The following SLC4A4 variants were observed in gnomAD, a reference collection of about 807,000 sequenced individuals.
The protein encoded by SLC4A4 is solute carrier family 4 member 4.
In SLC4A4, 27 loss-of-function variants were observed where a neutral mutation model predicts 111.5. The observed-to-expected ratio is 0.24, with a 90% CI of 0.18 to 0.33. The LOEUF (loss-of-function observed/expected upper bound fraction) is 0.33. SLC4A4 is among the 10% of genes least tolerant of loss of function. The probability of loss-of-function intolerance (pLI) is 1.00; values close to 1 mark genes in which losing one functional copy is unlikely to be tolerated. For synonymous variants in SLC4A4, 443 were observed against 463.4 expected (o/e 0.96, Z 0.57); for missense variants, 909 against 1,315.5 (o/e 0.69, Z 4.78).
chr4:71,170,738 C>A (rs1404271402), intron 2 of SLC4A4, among the ~76,000 whole-genome samples: 1 of 152,126 alleles, frequency 6.6e-6, no homozygotes, highest in East Asian at 1.9e-4. Flanking sequence ...ATACCAAAAG[C>A]CTCAATACTG....
intron 17 of SLC4A4, 64 bp downstream of exon 17, chr4:71,532,239 AT>A: frequency 1.0e-6 from 1 of 989,328 alleles, no homozygotes; most frequent in Non-Finnish European, 1.6e-6. Flanking sequence ...CCCTATTCTA[AT>A]TTATTGTGTT....
At chr4:71,545,522 A>G (rs1735443289) in intron 18 of SLC4A4, among the ~76,000 whole-genome samples, 2 of 152,060 alleles carry the variant, frequency 1.3e-5, no homozygotes, top group South Asian at 2.1e-4. Flanking sequence ...AAATAGAACC[A>G]TAGAATAACA....
At chr4:71,076,198 C>T (rs1443392032) in intron 1 of SLC4A4, among the ~76,000 whole-genome samples, 2 of 151,928 alleles carry the variant, frequency 1.3e-5, no homozygotes, top group Non-Finnish European at 2.9e-5. Context: ...TTCTTAGTCC[C>T]GAGAATGTTA....
chr4:71,126,636 A>G (rs985408543), intron 2 of SLC4A4, among the ~76,000 whole-genome samples: 3 of 152,210 alleles, frequency 2.0e-5, no homozygotes, highest in Admixed American at 6.5e-5. Context: ...TTACAGTAAA[A>G]GTAAAACTAA....
intron 3 of SLC4A4, among the ~76,000 whole-genome samples, chr4:71,282,360 A>C (rs941857492): frequency 6.6e-6 from 1 of 151,112 alleles, no homozygotes; most frequent in African/African-American, 2.4e-5. Context: ...ATCTCAGCTC[A>C]CTGCAACCTC....
chr4:71,211,043 G>A (rs1376278023), intron 1 of SLC4A4, among the ~76,000 whole-genome samples: 1 of 152,212 alleles, frequency 6.6e-6, no homozygotes, highest in Non-Finnish European at 1.5e-5. Context: ...GTTTTTCTTT[G>A]TAATTTGTCT....
intron 2 of SLC4A4, among the ~76,000 whole-genome samples, chr4:71,136,844 G>C (rs1165658123): frequency 6.6e-6 from 1 of 152,044 alleles, no homozygotes; most frequent in Admixed American, 6.5e-5. Flanking sequence ...CTTAGTATAA[G>C]GTTGGCACAG....
At chr4:71,193,454 C>T (rs1009022506) in intron 1 of SLC4A4, among the ~76,000 whole-genome samples, 2 of 152,222 alleles carry the variant, frequency 1.3e-5, no homozygotes, top group African/African-American at 2.4e-5. Flanking sequence ...CCACCGCGCC[C>T]GGCCCATGTG....
At chr4:71,550,688 T>C (rs548008452) in intron 20 of SLC4A4, among the ~76,000 whole-genome samples, 11 of 152,054 alleles carry the variant, frequency 7.2e-5, no homozygotes, top group African/African-American at 2.6e-4. Context: ...TAAAATGAAA[T>C]GGCTCAACAC....
chr4:71,434,432 C>T (rs537937674), intron 7 of SLC4A4: 1 of 199,696 alleles, frequency 5.0e-6, no homozygotes, highest in African/African-American at 2.3e-5. Context: ...TCTAAATTTC[C>T]CAAAGTCTTT....
intron 2 of SLC4A4, among the ~76,000 whole-genome samples, chr4:71,117,606 A>G (rs1037173671): frequency 2.0e-5 from 3 of 152,166 alleles, no homozygotes; most frequent in African/African-American, 4.8e-5. Flanking sequence ...GTAAAGAATA[A>G]AAACTCTTTA....
At chr4:71,363,939 C>T (rs900400558) in intron 6 of SLC4A4, among the ~76,000 whole-genome samples, 3 of 152,196 alleles carry the variant, frequency 2.0e-5, no homozygotes, top group African/African-American at 7.2e-5. Flanking sequence ...ATTTCTAACT[C>T]ATTCATCAGG....
chr4:71,359,182 A>T lies in SLC4A4; in HGVS notation c.730+1995A>T, dbSNP rs545607430. Among the ~76,000 whole-genome samples the T allele has an allele frequency of 4.6e-5, 7 of 152,344 alleles. No homozygotes were observed. In the South Asian group the frequency reaches 1.4e-3, roughly 32 times the overall value. On this transcript the variant is annotated intron_variant, in intron 6 of 25. Coordinates refer to ENST00000264485, the MANE Select transcript of SLC4A4 (RefSeq NM_001098484.3). ...AACTAATGAGTTAATATCGCTCGCC[A>T]TTCAATCTTTCATCCTATCTGTAGA...
At chr4:71,253,499 G>A (rs1196530546) in intron 2 of SLC4A4, among the ~76,000 whole-genome samples, 1 of 151,978 alleles carries the variant, frequency 6.6e-6, no homozygotes, top group Non-Finnish European at 1.5e-5. Flanking sequence ...CTCTTAATTT[G>A]TGTGTGTTTT....
intron 2 of SLC4A4, among the ~76,000 whole-genome samples, chr4:71,109,171 G>C (rs757293452): frequency 4.6e-5 from 7 of 151,852 alleles, no homozygotes; most frequent in Admixed American, 6.6e-5. Context: ...ATTGCTGTAG[G>C]CTGTCTCTGT....
intron 2 of SLC4A4, among the ~76,000 whole-genome samples, chr4:71,122,808 T>G (rs1266415625): frequency 1.3e-5 from 2 of 152,172 alleles, no homozygotes; most frequent in African/African-American, 4.8e-5. Flanking sequence ...TAAAACACTG[T>G]TCGTATACAC....
At chr4:71,414,552 A>G (rs1721672934) in intron 7 of SLC4A4, among the ~76,000 whole-genome samples, 2 of 152,194 alleles carry the variant, frequency 1.3e-5, no homozygotes, top group Non-Finnish European at 2.9e-5. Flanking sequence ...CTACCCTTTT[A>G]CCATGCATGC....
chr4:71,267,191 A>G (rs1321933687), intron 3 of SLC4A4, among the ~76,000 whole-genome samples: 2 of 152,158 alleles, frequency 1.3e-5, no homozygotes, highest in Admixed American at 1.3e-4. Context: ...ATACCCATAC[A>G]AAAAAATGTT....
At chr4:71,429,705 C>A (rs1402022060) in intron 7 of SLC4A4, among the ~76,000 whole-genome samples, 17 of 152,088 alleles carry the variant, frequency 1.1e-4, no homozygotes, top group Admixed American at 1.1e-3. Flanking sequence ...TTTTGTTTTT[C>A]ACTCTGTGTG....
Sources: gnomAD v4.1 joint callset for allele counts (sites outside exome capture counted in the v4.1 genomes callset) on GRCh38, gnomAD v4.1.1 for gene constraint, MANE v1.5 for transcripts, NCBI Gene and HGNC (gene_info 2026-07-23, HGNC 2026-07-21) for gene names.